Variants in GLDC observed in about 807,000 individuals in gnomAD.
The protein encoded by GLDC is glycine decarboxylase, also known as glycine dehydrogenase (decarboxylating), mitochondrial.
Under a neutral mutation model 121.3 loss-of-function variants are expected in GLDC, and 104 were observed. The ratio of observed to expected loss-of-function variants is 0.86; its 90% CI spans 0.73 to 1.01. GLDC has a LOEUF of 1.01. Among genes scored for constraint, GLDC ranks in the 50% least tolerant of loss-of-function variants. GLDC has a pLI of 0.00. For missense variants in GLDC, 1,429 were observed against 1,306.6 expected, an observed-to-expected ratio of 1.09 and a Z score of -1.44; for synonymous variants, 546 against 480.6, an observed-to-expected ratio of 1.14 and a Z score of -1.78.
At chr9:6,538,516 C>T (rs189796043) in intron 22 of GLDC, among the ~76,000 whole-genome samples, 34 of 152,268 alleles carry the variant, frequency 2.2e-4, no homozygotes, top group African/African-American at 7.5e-4. Context: ...CATTGTTTTT[C>T]GACTTAGCTA....
At chr9:6,546,365 CTTT>C (rs34760385) in intron 21 of GLDC, among the ~76,000 whole-genome samples, 1 of 138,058 alleles carries the variant, frequency 7.2e-6, no homozygotes. Flanking sequence ...TTAATTTTTT[CTTT>C]TTTTTTTTTT....
chr9:6,643,252 A>C (rs1819664308), intron 2 of GLDC, among the ~76,000 whole-genome samples: 1 of 151,752 alleles, frequency 6.6e-6, no homozygotes, highest in South Asian at 2.1e-4. Context: ...GACCATCCCT[A>C]AATCTCAATT....
intron 3 of GLDC, among the ~76,000 whole-genome samples, chr9:6,611,361 T>G (rs753609948): frequency 2.9e-4 from 44 of 152,274 alleles, no homozygotes; most frequent in Admixed American, 9.2e-4. Flanking sequence ...ATCGAGACCA[T>G]CCTGGCTAAC....
intron 15 of GLDC, among the ~76,000 whole-genome samples, chr9:6,580,479 C>T (rs62568995): frequency 0.027 from 4,174 of 152,242 alleles, 73 homozygotes; most frequent in Non-Finnish European, 0.041. Flanking sequence ...TCTACTGATC[C>T]GGAAGATGTA....
intron 15 of GLDC, among the ~76,000 whole-genome samples, chr9:6,582,325 C>T (rs1394966937): frequency 2.7e-5 from 4 of 149,450 alleles, no homozygotes; most frequent in African/African-American, 7.4e-5. Context: ...TTGAGACCAG[C>T]TTGGCCAACA....
intron 15 of GLDC, among the ~76,000 whole-genome samples, chr9:6,568,641 AG>A (rs1286847173): frequency 1.3e-5 from 2 of 152,130 alleles, no homozygotes; most frequent in African/African-American, 4.8e-5. Flanking sequence ...TGAGATCAGG[AG>A]TTCGAGACCA....
intron 17 of GLDC, among the ~76,000 whole-genome samples, chr9:6,556,617 AC>A (rs1156836179): frequency 6.6e-6 from 1 of 152,144 alleles, no homozygotes; most frequent in African/African-American, 2.4e-5. Context: ...ACATGGTGAA[AC>A]CCCGTCTCTA....
At chr9:6,572,883 G>A (rs758502491) in intron 15 of GLDC, among the ~76,000 whole-genome samples, 6 of 152,228 alleles carry the variant, frequency 3.9e-5, no homozygotes, top group African/African-American at 1.4e-4. Context: ...ACTGTTAAAT[G>A]TTTCCTACAA....
intron 19 of GLDC, 117 bp downstream of exon 19, chr9:6,554,552 T>C (rs927309949): frequency 5.1e-6 from 4 of 790,584 alleles, no homozygotes; most frequent in Non-Finnish European, 2.2e-6. Flanking sequence ...ACAAGTGCAC[T>C]ACACCGATGA....
chr9:6,615,523 A>C (rs1818951666), intron 3 of GLDC, among the ~76,000 whole-genome samples: 1 of 151,974 alleles, frequency 6.6e-6, no homozygotes, highest in African/African-American at 2.4e-5. Context: ...TCCAGTTTAC[A>C]GTGAGCTATT....
chr9:6,539,053 C>G (rs1015279290), intron 22 of GLDC, among the ~76,000 whole-genome samples: 4 of 151,464 alleles, frequency 2.6e-5, no homozygotes, highest in African/African-American at 9.7e-5. Context: ...AGATTTTTTT[C>G]TTTTTTTCCA....
intron 21 of GLDC, among the ~76,000 whole-genome samples, chr9:6,547,565 C>A (rs538326766): frequency 6.6e-6 from 1 of 152,084 alleles, no homozygotes; most frequent in Non-Finnish European, 1.5e-5. Flanking sequence ...TGAAGCCATA[C>A]ATGTCAAAAG....
At chr9:6,607,896 G>T (rs1048118478) in intron 4 of GLDC, among the ~76,000 whole-genome samples, 3 of 151,986 alleles carry the variant, frequency 2.0e-5, no homozygotes, top group African/African-American at 7.2e-5. Context: ...GCTGAGGTGG[G>T]TGGATTGCTC....
intron 15 of GLDC, chr9:6,567,607 T>C (rs1013919681): frequency 1.3e-5 from 2 of 152,198 alleles, no homozygotes; most frequent in African/African-American, 2.4e-5. Context: ...AAGGCAAGAA[T>C]TTTGTCAACC....
At chr9:6,638,037 C>T (rs1047584314) in intron 2 of GLDC, among the ~76,000 whole-genome samples, 5 of 151,652 alleles carry the variant, frequency 3.3e-5, no homozygotes, top group African/African-American at 9.7e-5. Context: ...TGATATACTT[C>T]GACATTTATC....
intron 11 of GLDC, among the ~76,000 whole-genome samples, chr9:6,590,551 G>A (rs1183512306): frequency 6.6e-6 from 1 of 152,158 alleles, no homozygotes; most frequent in African/African-American, 2.4e-5. Flanking sequence ...CTTTTGCCAT[G>A]TGATGCCTGC....
chr9:6,532,885 C>T lies in GLDC; in HGVS notation c.*132G>A. 2.6e-6 allele frequency: 2 copies of T among 761,462 alleles called. No homozygotes were observed. Among genetic ancestry groups the T allele is most frequent in the South Asian group, 2.8e-5 (2 of 71,108 alleles). The allele number at this position is 761,462 out of a possible 1,614,324, so 47.2% of individuals were successfully genotyped here. On this transcript the variant is annotated 3_prime_UTR_variant, in exon 25 of 25. Transcript: ENST00000321612. ...GCTACTGTATTTACATTTACCTTGA[C>T]AGAGATTACAGAGATATACACAGTA...
chr9:6,630,302 G>C (rs1289229979), intron 2 of GLDC, among the ~76,000 whole-genome samples: 1 of 152,072 alleles, frequency 6.6e-6, no homozygotes, highest in Non-Finnish European at 1.5e-5. Flanking sequence ...TTAAAATGTT[G>C]CATGTAGAAT....
chr9:6,629,164 A>G (rs1819309250), intron 2 of GLDC, among the ~76,000 whole-genome samples: 1 of 151,612 alleles, frequency 6.6e-6, no homozygotes, highest in African/African-American at 2.4e-5. Flanking sequence ...TGCACTAACC[A>G]CTGCATCAAA....
Sources: allele counts gnomAD v4.1 joint callset (sites outside exome capture counted in the v4.1 genomes callset), GRCh38; gene constraint gnomAD v4.1.1; transcripts MANE v1.5; gene names NCBI Gene and HGNC (gene_info 2026-07-23, HGNC 2026-07-21).